WDR90: variants seen among roughly 807,000 people sequenced by gnomAD.
The protein encoded by WDR90 is WD repeat domain 90, also known as WD repeat-containing protein 90.
WDR90 carries 238 observed loss-of-function variants against 195.2 expected under a neutral mutation model. The ratio of observed to expected loss-of-function variants is 1.22; its 90% CI spans 1.10 to 1.36. WDR90 has a LOEUF of 1.36. Among genes scored for constraint, WDR90 ranks in the 40% most tolerant of loss-of-function variants. The probability of loss-of-function intolerance (pLI) is 0.00; values close to 1 mark genes in which losing one functional copy is unlikely to be tolerated. For synonymous variants in WDR90, 1,265 were observed against 1,052.4 expected (o/e 1.20, Z -3.91); for missense variants, 2,734 against 2,439.5 (o/e 1.12, Z -2.54).
intron 34 of WDR90, 189 bp downstream of exon 34, chr16:663,033 T>A: frequency 1.1e-6 from 1 of 872,994 alleles, no homozygotes; most frequent in Non-Finnish European, 1.8e-6. Context: ...CGGTTGTGTC[T>A]GCACAAGCGA....
intron 36 of WDR90, 24 bp from the exon 37 acceptor site, chr16:666,196 C>CACAGGGTG (rs1567224364): frequency 2.5e-6 from 4 of 1,607,932 alleles, no homozygotes; most frequent in Non-Finnish European, 3.4e-6. Flanking sequence ...GCTGGGGGCT[C>CACAGGGTG]ACAGGGTGAC....
Position 658,671 on chromosome 16 carries a change from C to G in WDR90, c.2895+18C>G, listed in dbSNP as rs1320553889. 6.3e-7 allele frequency: 1 copy of G among 1,599,182 alleles called. No homozygotes were observed. ...GCCCCCAGGTGTGTGCGTGGGGAGGCAGGTGGCTTTGGCGGTCAGGAGCCT... is the reference window on the plus strand; with the variant it reads ...GCCCCCAGGTGTGTGCGTGGGGAGGGAGGTGGCTTTGGCGGTCAGGAGCCT... On this transcript the variant is annotated intron_variant, in intron 23 of 40. Transcript: ENST00000293879.
rs1467455803 is a variant in WDR90 at position 655,464 on chromosome 16, A to G, written c.1714A>G (p.Met572Val). 2 of 1,536,534 alleles carry G rather than the reference A, an allele frequency of 1.3e-6. No homozygotes were observed. Among genetic ancestry groups the G allele is most frequent in the Non-Finnish European group, 1.8e-6 (2 of 1,142,852 alleles). The change falls in exon 15 of 41, where the codon ATG becomes GTG. Residue 572 changes from methionine to valine, a missense_variant. Physicochemically the swap from Met to Val is conservative, Grantham distance 21. Transcript: ENST00000293879. ...CGGCTGCCCGGAGCCCTCGGCTGCC[A>G]TGCTGTGAGTCCCTGCCCTTCCCCA... Reference protein sequence around the residue: ...RDGCPEPSAAMLFVCSRSGHI... With the variant: ...RDGCPEPSAAVLFVCSRSGHI...
Position 650,103 on chromosome 16 carries a change from T to A in WDR90, c.215T>A (p.Leu72Gln). The change falls in exon 3 of 41, where the codon CTG becomes CAG. Residue 72 changes from leucine (L) to glutamine (Q), a missense_variant. By Grantham distance (113) the Leu-to-Gln change is moderately radical (BLOSUM62 -2). Transcript: ENST00000293879. ...TQSLGLTGRY[L>Q]YVLFRPLPSK... ...TCTCTGGGGCTGACGGGACGATACCTGTATGTGCTCTTTCGGCCCCTGCCC... is the reference window on the plus strand; with the variant it reads ...TCTCTGGGGCTGACGGGACGATACCAGTATGTGCTCTTTCGGCCCCTGCCC... The A allele has an allele frequency of 6.2e-7, 1 of 1,613,072 alleles. No homozygotes were observed. Among genetic ancestry groups the A allele is most frequent in the Non-Finnish European group, 8.5e-7 (1 of 1,179,974 alleles).
rs1217032983 is a variant in WDR90, at chr16:667,624, C to G, written c.*35C>G. The G allele has an allele frequency of 6.2e-7, 1 of 1,600,350 alleles. No individual in the cohort carries two copies. Among genetic ancestry groups the G allele is most frequent in the Admixed American group, 1.7e-5 (1 of 59,910 alleles). On this transcript the variant is annotated 3_prime_UTR_variant, in exon 41 of 41. Transcript: ENST00000293879. ...GGGACTGTGGTGGTGGGCATCACGC[C>G]TGGTCATGCCAGGCACCTGGACACA... is the stretch of plus-strand genomic sequence containing the variant.
At chr16:663,074 A>T (rs1011440380) in intron 34 of WDR90, 2 of 699,080 alleles carry the variant, frequency 2.9e-6, no homozygotes, top group Non-Finnish European at 5.2e-6. Context: ...GGTCTTCTCA[A>T]ACTGTCCTTT....
Position 658,878 on chromosome 16 carries a change from T to G in WDR90, c.2896-18T>G. 5 of 1,610,062 alleles carry G rather than the reference T, an allele frequency of 3.1e-6. No individual in the cohort carries two copies. The highest frequency in any genetic ancestry group is 4.2e-6 in the Non-Finnish European group (5 of 1,179,544). On this transcript the variant is annotated intron_variant, in intron 23 of 40. Transcript: ENST00000293879. ...ATGCCCCGCCTCGGGGTCCTGCATG[T>G]GACGCCGCTACCCCTAGGTGTACAT...
At chr16:649,489 G>A (rs2037593997) in intron 1 of WDR90, 63 bp downstream of exon 1, 1 of 1,280,912 alleles carries the variant, frequency 7.8e-7, no homozygotes, top group Non-Finnish European at 9.8e-7. Context: ...GTCCAGGGTC[G>A]GCGGCCGGAG....
intron 22 of WDR90, 22 bp downstream of exon 22, chr16:658,366 C>T (rs745997278): frequency 8.1e-5 from 130 of 1,609,082 alleles, no homozygotes; most frequent in Non-Finnish European, 1.0e-4. Flanking sequence ...GGCTGTGGCC[C>T]GCCGACCTGG....
At position 653,509 on chromosome 16, in the gene WDR90, C is replaced by T; in HGVS notation, c.1234-16C>T. On this transcript the variant is annotated splice_polypyrimidine_tract_variant and intron_variant, in intron 11 of 40. Transcript: ENST00000293879. ...CCTGCAGCCCCTACACCCTCCCTCA[C>T]CCTTCTGCCTCCTAGGTCTCCGCCC... The T allele has an allele frequency of 6.2e-7, 1 of 1,612,952 alleles. No homozygotes were observed. Among genetic ancestry groups the T allele is most frequent in the Non-Finnish European group, 8.5e-7 (1 of 1,179,574 alleles).
intron 21 of WDR90, 71 bp downstream of exon 21, chr16:657,963 G>A: frequency 6.7e-7 from 1 of 1,482,462 alleles, no homozygotes; most frequent in Non-Finnish European, 9.0e-7. Flanking sequence ...CAGGAGGGAG[G>A]TCACGGCCAC....
Position 652,470 on chromosome 16 carries a change from T to C in WDR90, c.1057T>C (p.Phe353Leu). The part of the protein sequence containing the change: ...PVARTGSCEG[F>L]LPDPVLRLKG... Reference sequence around the variant, plus strand: ...TTGATGCGAATGGCTGTTTCAGGGCTTCCTCCCAGACCCAGTCCTGAGGCT... The same window carrying C: ...TTGATGCGAATGGCTGTTTCAGGGCCTCCTCCCAGACCCAGTCCTGAGGCT... Residue 353 changes from phenylalanine (F) to leucine (L), a missense_variant, in exon 10 of 41, where the codon TTC (phenylalanine) becomes CTC (leucine). Phe to Leu is a conservative substitution (Grantham distance 22). Coordinates refer to ENST00000293879, the MANE Select transcript of WDR90 (RefSeq NM_145294.5). The C allele has an allele frequency of 6.2e-7, 1 of 1,605,972 alleles. No individual in the cohort carries two copies. Among genetic ancestry groups the C allele is most frequent in the Non-Finnish European group, 8.5e-7 (1 of 1,175,634 alleles).
At chr16:662,930 T>C (rs2151340777) in intron 34 of WDR90, 86 bp downstream of exon 34, 1 of 1,520,810 alleles carries the variant, frequency 6.6e-7, no homozygotes, top group Non-Finnish European at 8.8e-7. Context: ...CCAGCCCAGA[T>C]GATTCCAAGT....
At chr16:652,113 G>A (rs996436932) in intron 9 of WDR90, 74 bp downstream of exon 9, 3 of 1,479,644 alleles carry the variant, frequency 2.0e-6, no homozygotes, top group Non-Finnish European at 2.7e-6. Flanking sequence ...GCCCCGAGAT[G>A]CATTCAGAAC....
Position 661,919 on chromosome 16 carries a change from T to C in WDR90, c.3893T>C (p.Val1298Ala). Residue 1298 changes from valine to alanine, a missense_variant, in exon 32 of 41, where the codon GTG becomes GCG. Physicochemically the swap from Val to Ala is moderately conservative, Grantham distance 64. Coordinates refer to ENST00000293879, the MANE Select transcript of WDR90 (RefSeq NM_145294.5). Reference protein sequence around the residue: ...QVRREPVPEAVGAGELTSLCY... With the variant: ...QVRREPVPEAAGAGELTSLCY... ...CGTCGAGAGCCAGTCCCAGAGGCAG[T>C]GGGGGCTGGAGAGCTGACCTCGCTC... 1 of 1,609,870 alleles carries C rather than the reference T, an allele frequency of 6.2e-7. No homozygotes were observed. Among genetic ancestry groups the C allele is most frequent in the Admixed American group, 1.7e-5 (1 of 59,998 alleles).
intron 37 of WDR90, 29 bp downstream of exon 37, chr16:666,379 G>A (rs747935257): frequency 1.4e-5 from 23 of 1,611,560 alleles, no homozygotes; most frequent in Admixed American, 5.0e-5. Flanking sequence ...CTGGGGAGAG[G>A]GGGCCTGGGT....
rs778235266 is a variant in WDR90, at chr16:660,125, G to A, written c.3252G>A (p.Thr1084=). The A allele has an allele frequency of 4.3e-5, 67 of 1,541,414 alleles. No individual in the cohort carries two copies. The highest frequency in any genetic ancestry group is 5.7e-5 in the Non-Finnish European group (65 of 1,141,286). Residue 1084 remains threonine, a synonymous_variant, in exon 27 of 41, where the codon ACG becomes ACA. Coordinates refer to ENST00000293879, the MANE Select transcript of WDR90 (RefSeq NM_145294.5). The part of the protein sequence containing the change: ...TTYLASCKAF[T]PARVSCSPHS... ...ACCTGGCTTCCTGCAAGGCCTTCAC[G>A]CCTGCCAGGGTCAGCTGCAGCCCCC...
chr16:665,657 G>A (rs1567223599), intron 34 of WDR90, 22 bp from the exon 35 acceptor site: 1 of 1,612,442 alleles, frequency 6.2e-7, no homozygotes. Context: ...AACACCCCCA[G>A]CCTAGCTACG....
At position 667,726 on chromosome 16, in the gene WDR90, G is replaced by A. The variant is rs2038152897; in HGVS notation, c.*137G>A. ...GATTCACGTAAATCGCCTGGAGCAA[G>A]CTGTTGTAAATTTGGCGCCCTGTGA... On this transcript the variant is annotated 3_prime_UTR_variant, in exon 41 of 41. Coordinates refer to ENST00000293879, the MANE Select transcript of WDR90 (RefSeq NM_145294.5). The A allele has an allele frequency of 7.2e-7, 1 of 1,391,002 alleles. No individual in the cohort carries two copies. Among genetic ancestry groups the A allele is most frequent in the South Asian group, 1.2e-5 (1 of 81,332 alleles). 86.2% of individuals were successfully genotyped at this position (1,391,002 alleles called of 1,614,324 possible).
Sources: allele counts gnomAD v4.1 joint callset, GRCh38; gene constraint gnomAD v4.1.1; transcripts MANE v1.5; gene names NCBI Gene and HGNC (gene_info 2026-07-23, HGNC 2026-07-21).